The following STPG2 variants were observed in gnomAD, a reference collection of about 807,000 sequenced individuals.
The protein encoded by STPG2 is sperm tail PG-rich repeat containing 2.
A neutral mutation model predicts 54.2 loss-of-function variants in STPG2; 56 were observed. That is an observed-to-expected ratio of 1.03 (90% confidence interval 0.83 to 1.29). The LOEUF (loss-of-function observed/expected upper bound fraction) is 1.29. Ranked by LOEUF, STPG2 falls within the 50% of genes most tolerant of loss-of-function variation. The pLI, the probability that STPG2 is intolerant of heterozygous loss-of-function variation, is 0.00. For synonymous variants in STPG2, 200 were observed against 181.8 expected, an observed-to-expected ratio of 1.10 and a Z score of -0.81; for missense variants, 596 against 544.9, an observed-to-expected ratio of 1.09 and a Z score of -0.93.
chr4:97,497,133 T>A (rs2148830808), intron 4 of STPG2, among the ~76,000 whole-genome samples: 1 of 151,850 alleles, frequency 6.6e-6, no homozygotes, highest in South Asian at 2.1e-4. Context: ...CTTATTCCTT[T>A]TACTTCTCAA....
At chr4:97,510,933 A>G (rs1730958465) in intron 4 of STPG2, among the ~76,000 whole-genome samples, 1 of 152,112 alleles carries the variant, frequency 6.6e-6, no homozygotes, top group South Asian at 2.1e-4. Context: ...ATGCCACTGC[A>G]CTATAGCTTG....
chr4:97,707,834 A>G (rs1473231786), intron 10 of STPG2, among the ~76,000 whole-genome samples: 1 of 152,200 alleles, frequency 6.6e-6, no homozygotes, highest in African/African-American at 2.4e-5. Flanking sequence ...AAATCAAAAG[A>G]AAATATAAAG....
intron 4 of STPG2, among the ~76,000 whole-genome samples, chr4:97,527,516 A>G (rs1213882276): frequency 4.6e-5 from 7 of 152,126 alleles, no homozygotes; most frequent in African/African-American, 1.4e-4. Context: ...TATACCCAGT[A>G]ATGGGATTGC....
intron 8 of STPG2, among the ~76,000 whole-genome samples, chr4:97,859,504 C>T (rs1472442597): frequency 2.0e-5 from 3 of 150,016 alleles, no homozygotes; most frequent in Admixed American, 2.0e-4. Flanking sequence ...CACTCTGTCG[C>T]CCAGGCAGGG....
intron 4 of STPG2, among the ~76,000 whole-genome samples, chr4:97,495,087 T>C (rs943852890): frequency 3.3e-5 from 5 of 151,586 alleles, no homozygotes; most frequent in South Asian, 4.1e-4. Flanking sequence ...CAGAGAACAA[T>C]TGAATATCTA....
intron 7 of STPG2, among the ~76,000 whole-genome samples, chr4:97,955,001 T>A (rs2149243301): frequency 6.6e-6 from 1 of 152,220 alleles, no homozygotes; most frequent in Admixed American, 6.5e-5. Flanking sequence ...ATAGTTGAAA[T>A]CGTAAATAAT....
At chr4:98,025,653 A>G (rs1699951130) in intron 5 of STPG2, 2 of 915,752 alleles carry the variant, frequency 2.2e-6, no homozygotes, top group African/African-American at 1.6e-5. Flanking sequence ...GGTATGAAGG[A>G]TGGCCTAACA....
rs1407351929 is a variant in STPG2 at position 97,616,088 on chromosome 4, A to ATG, written c.1321-56972_1321-56971insCA. Among the ~76,000 whole-genome samples the ATG allele has an allele frequency of 2.0e-4, 17 of 84,288 alleles. 2 individuals are homozygous for ATG. In the South Asian group the frequency reaches 7.4e-3, roughly 36 times the overall value. The allele number at this position is 84,288 out of a possible 152,430, so 55.3% of individuals were successfully genotyped here. On this transcript the variant is annotated intron_variant, in intron 10 of 10. Coordinates refer to ENST00000295268, the MANE Select transcript of STPG2 (RefSeq NM_174952.3). ...TATATATATATATATATATATATAT[A>ATG]TATATATGTATGTATATTTAATAGT...
At chr4:97,972,723 G>T (rs894143603) in intron 6 of STPG2, among the ~76,000 whole-genome samples, 1 of 152,150 alleles carries the variant, frequency 6.6e-6, no homozygotes, top group Non-Finnish European at 1.5e-5. Context: ...AACCCAGTGG[G>T]AGGTAATTGA....
intron 10 of STPG2, among the ~76,000 whole-genome samples, chr4:97,605,443 G>A (rs910115159): frequency 2.6e-5 from 4 of 151,640 alleles, no homozygotes; most frequent in African/African-American, 9.7e-5. Context: ...TGTGCTAGTT[G>A]TCTAAAATTG....
At chr4:97,596,468 T>A (rs1733296650) in intron 10 of STPG2, among the ~76,000 whole-genome samples, 1 of 152,190 alleles carries the variant, frequency 6.6e-6, no homozygotes, top group South Asian at 2.1e-4. Context: ...TACTTTCCTC[T>A]CATTTGCACA....
intron 9 of STPG2, among the ~76,000 whole-genome samples, chr4:97,762,019 A>G (rs1299086174): frequency 2.6e-5 from 4 of 151,852 alleles, no homozygotes; most frequent in African/African-American, 4.8e-5. Flanking sequence ...GTGAACTGGG[A>G]AAAAAAAATC....
intron 8 of STPG2, among the ~76,000 whole-genome samples, chr4:97,850,323 T>TAAATAAATAAATAAAG (rs1560553605): frequency 3.8e-5 from 5 of 130,958 alleles, no homozygotes; most frequent in African/African-American, 1.0e-4. Context: ...AATAAATAAA[T>TAAATAAATAAATAAAG]AAAGAAGTAG....
intron 9 of STPG2, among the ~76,000 whole-genome samples, chr4:97,742,809 T>C (rs910784342): frequency 6.6e-6 from 1 of 151,552 alleles, no homozygotes; most frequent in Admixed American, 6.6e-5. Flanking sequence ...TTCAGTGATA[T>C]AGGATGAAGA....
At position 97,559,001 on chromosome 4, in the gene STPG2, A is replaced by G. The variant is rs772566366; in HGVS notation, c.*57T>C. On this transcript the variant is annotated 3_prime_UTR_variant, in exon 11 of 11. Coordinates refer to ENST00000295268, the MANE Select transcript of STPG2 (RefSeq NM_174952.3). Reference sequence around the variant, plus strand: ...TTGGAATAAATTTTGTTAAAATGACAAAGAAATAAACTGACTTCCATGAAG... The same window carrying G: ...TTGGAATAAATTTTGTTAAAATGACGAAGAAATAAACTGACTTCCATGAAG... The G allele has an allele frequency of 1.4e-6, 2 of 1,401,080 alleles. No individual in the cohort carries two copies. The highest frequency in any genetic ancestry group is 2.0e-6 in the Non-Finnish European group (2 of 1,010,138). 86.8% of individuals were successfully genotyped at this position (1,401,080 alleles called of 1,614,324 possible).
intron 9 of STPG2, among the ~76,000 whole-genome samples, chr4:97,727,195 A>G: frequency 6.6e-6 from 1 of 152,048 alleles, no homozygotes; most frequent in Non-Finnish European, 1.5e-5. Flanking sequence ...TAAGTATATT[A>G]GGCATATAAT....
chr4:97,927,324 T>G (rs1219105571), intron 8 of STPG2, among the ~76,000 whole-genome samples: 7 of 152,154 alleles, frequency 4.6e-5, no homozygotes, highest in Admixed American at 4.6e-4. Flanking sequence ...GTATAATTTT[T>G]GTGATATATT....
chr4:97,453,461 G>A (rs571529230), intron 4 of STPG2, among the ~76,000 whole-genome samples: 6 of 152,244 alleles, frequency 3.9e-5, no homozygotes, highest in South Asian at 2.1e-4. Context: ...CCAGCCCAGC[G>A]GGCCTGAGCA....
At chr4:97,937,436 G>C (rs1381504242) in intron 8 of STPG2, among the ~76,000 whole-genome samples, 2 of 152,184 alleles carry the variant, frequency 1.3e-5, no homozygotes, top group East Asian at 3.9e-4. Context: ...GAGGTGTTGT[G>C]ATCATTTCGA....
Sources: allele counts gnomAD v4.1 joint callset (sites outside exome capture counted in the v4.1 genomes callset), GRCh38; gene constraint gnomAD v4.1.1; transcripts MANE v1.5; gene names NCBI Gene and HGNC (gene_info 2026-07-23, HGNC 2026-07-21).